Variants in DOCK7 observed in about 807,000 individuals in gnomAD.
DOCK7 encodes the protein dedicator of cytokinesis protein 7.
DOCK7 carries 138 observed loss-of-function variants against 271.0 expected under a neutral mutation model. The observed-to-expected ratio is 0.51, with a 90% CI of 0.44 to 0.59. The LOEUF (loss-of-function observed/expected upper bound fraction) is 0.59, where lower values mean the gene tolerates loss of function less well. Ranked by LOEUF, DOCK7 falls within the 20% of genes least tolerant of loss-of-function variation. DOCK7 has a pLI of 0.00. For missense variants in DOCK7, 2,066 were observed against 2,592.4 expected (o/e 0.80, Z 4.41); for synonymous variants, 823 against 876.1 (o/e 0.94, Z 1.07).
At chr1:62,640,476 T>A (rs1487511186) in intron 7 of DOCK7, among the ~76,000 whole-genome samples, 9 of 151,870 alleles carry the variant, frequency 5.9e-5, no homozygotes, top group African/African-American at 2.2e-4. Flanking sequence ...GAGCCGAGAT[T>A]CTGCCATTGC....
At chr1:62,684,003 G>T (rs778238564) in intron 1 of DOCK7, among the ~76,000 whole-genome samples, 2 of 152,096 alleles carry the variant, frequency 1.3e-5, no homozygotes, top group Non-Finnish European at 2.9e-5. Context: ...ACTTTGGGAG[G>T]CCAAGGCGGG....
At chr1:62,461,074 G>A (rs1645510436) in intron 48 of DOCK7, 1 of 152,108 alleles carries the variant, frequency 6.6e-6, no homozygotes, top group Admixed American at 6.5e-5. Flanking sequence ...TTTAAAACCT[G>A]TCATATTAAA....
chr1:62,671,472 A>G (rs547876532), intron 1 of DOCK7, among the ~76,000 whole-genome samples: 49 of 152,232 alleles, frequency 3.2e-4, no homozygotes, highest in African/African-American at 1.1e-3. Context: ...GACAATGGGG[A>G]GAGAGAGAGA....
At chr1:62,592,119 A>G (rs1239776767) in intron 14 of DOCK7, among the ~76,000 whole-genome samples, 1 of 152,228 alleles carries the variant, frequency 6.6e-6, no homozygotes, top group Non-Finnish European at 1.5e-5. Context: ...GGTGAAAGGC[A>G]TGCAATTTTG....
At chr1:62,578,209 T>C (rs1646996037) in intron 17 of DOCK7, among the ~76,000 whole-genome samples, 2 of 152,222 alleles carry the variant, frequency 1.3e-5, no homozygotes, top group African/African-American at 4.8e-5. Flanking sequence ...TATAAAATCA[T>C]TATCTGCTGA....
At chr1:62,542,174 AG>A (rs948861151) in intron 25 of DOCK7, among the ~76,000 whole-genome samples, 3 of 152,114 alleles carry the variant, frequency 2.0e-5, no homozygotes, top group African/African-American at 7.2e-5. Flanking sequence ...CACTGCACCC[AG>A]CCAGTACTGT....
At chr1:62,563,395 T>A (rs1348634200) in intron 18 of DOCK7, among the ~76,000 whole-genome samples, 1 of 151,992 alleles carries the variant, frequency 6.6e-6, no homozygotes, top group African/African-American at 2.4e-5. Flanking sequence ...AAGACAATCA[T>A]CAGACACCAA....
intron 14 of DOCK7, among the ~76,000 whole-genome samples, chr1:62,599,995 TA>T (rs1190720937): frequency 6.6e-6 from 1 of 151,946 alleles, no homozygotes; most frequent in African/African-American, 2.4e-5. Flanking sequence ...TCAAGAGATA[TA>T]AAACAAATAT....
In DOCK7 at chr1:62,653,766, A is replaced by G; in HGVS notation, c.348T>C (p.Cys116=). 1 of 1,596,684 alleles carries G rather than the reference A, an allele frequency of 6.3e-7. No individual in the cohort carries two copies. Among genetic ancestry groups the G allele is most frequent in the Non-Finnish European group, 8.6e-7 (1 of 1,164,768 alleles). ...CCCAGTCTTCTGTATAACTTCTTATACAGTCTCTAACATGTGGATCCATTT... is the reference window on the plus strand; with the variant it reads ...CCCAGTCTTCTGTATAACTTCTTATGCAGTCTCTAACATGTGGATCCATTT... The part of the protein sequence containing the change: ...ESEMDPHVRD[C]IRSYTEDWAI... Residue 116 remains cysteine, a synonymous_variant, in exon 4 of 50, where the codon TGT becomes TGC. Coordinates refer to ENST00000635253, the MANE Select transcript of DOCK7 (RefSeq NM_001367561.1).
rs746571872 is a variant in DOCK7, at chr1:62,578,914, CAGTT to C, written c.1920_1923del (p.Asp642IlefsTer38). The C allele has an allele frequency of 1.9e-6, 3 of 1,598,132 alleles. No homozygotes were observed. Among genetic ancestry groups the C allele is most frequent in the Non-Finnish European group, 1.7e-6 (2 of 1,174,634 alleles). On this transcript the variant is annotated frameshift_variant, in exon 17 of 50. Transcript: ENST00000635253. LOFTEE classifies it high-confidence loss of function. ...AAAGTAAAAAGCAAGTGATGATGGT[CAGTT>C]AAAGTAGCAGGAAGCTTAACCTTGA...
At chr1:62,593,351 C>A (rs1189577446) in intron 14 of DOCK7, among the ~76,000 whole-genome samples, 1 of 152,136 alleles carries the variant, frequency 6.6e-6, no homozygotes, top group Non-Finnish European at 1.5e-5. Flanking sequence ...AGGCAGATCA[C>A]CTGAGGTCAG....
chr1:62,535,628 G>C lies in DOCK7; in HGVS notation c.3476C>G (p.Ser1159Cys), dbSNP rs765929258. Residue 1159 changes from serine (S) to cysteine (C), a missense_variant, in exon 29 of 50, where the codon TCT becomes TGT. Ser to Cys is a moderately radical substitution (Grantham distance 112, BLOSUM62 -1). Transcript: ENST00000635253. ...PSVSSATSQS[S>C]GFSTNVQDQK... ...GTCTTGTACATTCGTAGAAAATCCA[G>C]AACTCTGTTGGAAAGTGAGGCAGAA... The C allele has an allele frequency of 1.7e-5, 27 of 1,612,968 alleles. No individual in the cohort carries two copies. Among genetic ancestry groups the C allele is most frequent in the Non-Finnish European group, 1.7e-5 (20 of 1,179,506 alleles).
At chr1:62,479,757 C>A in intron 43 of DOCK7, 1 of 374,824 alleles carries the variant, frequency 2.7e-6, no homozygotes, top group South Asian at 2.0e-5. Context: ...AACCACAGCT[C>A]ACTACAGCTT....
chr1:62,641,215 T>C, intron 7 of DOCK7: 3 of 386,342 alleles, frequency 7.8e-6, no homozygotes, highest in South Asian at 6.0e-5. Flanking sequence ...TGAGCTGTCT[T>C]TTCTTCCAGT....
chr1:62,542,822 C>T (rs1411025494), intron 24 of DOCK7, 119 bp from the exon 25 acceptor site: 1 of 830,558 alleles, frequency 1.2e-6, no homozygotes, highest in Non-Finnish European at 1.9e-6. Context: ...GGCACGTGAA[C>T]CATTCAATGA....
At chr1:62,677,995 G>A (rs1486203972) in intron 1 of DOCK7, among the ~76,000 whole-genome samples, 1 of 152,294 alleles carries the variant, frequency 6.6e-6, no homozygotes, top group Admixed American at 6.5e-5. Context: ...AGACATGGTG[G>A]TGCACACCTG....
intron 14 of DOCK7, among the ~76,000 whole-genome samples, chr1:62,587,289 A>C (rs1628042): frequency 2.1e-4 from 30 of 140,726 alleles, no homozygotes; most frequent in Admixed American, 2.1e-3. Context: ...AAGAAAAGAC[A>C]CCAAATAGCT....
At chr1:62,567,764 G>GA (rs1239201388) in intron 18 of DOCK7, among the ~76,000 whole-genome samples, 64 of 137,446 alleles carry the variant, frequency 4.7e-4, no homozygotes, top group Admixed American at 6.6e-4. Context: ...AAACATTTTT[G>GA]AAAAAAAAAA....
At chr1:62,465,305 TTGAATAATCCATGGGGCCTACA>T (rs1645645702) in intron 48 of DOCK7, among the ~76,000 whole-genome samples, 2 of 152,144 alleles carry the variant, frequency 1.3e-5, no homozygotes, top group Admixed American at 1.3e-4. Context: ...ACCATAAACT[TTGAATAATCCATGGGGCCTACA>T]TGAAGTGCCA....
Sources: allele counts gnomAD v4.1 joint callset (sites outside exome capture counted in the v4.1 genomes callset), GRCh38; gene constraint gnomAD v4.1.1; transcripts MANE v1.5; gene names NCBI Gene and HGNC (gene_info 2026-07-23, HGNC 2026-07-21).